Variants in SPEF2 observed in about 807,000 individuals in gnomAD.
SPEF2 encodes the protein sperm flagella and cilia-associated protein 2.
A neutral mutation model predicts 224.6 loss-of-function variants in SPEF2; 187 were observed. That is an observed-to-expected ratio of 0.83 (90% confidence interval 0.74 to 0.94). The LOEUF is 0.94. Ranked by LOEUF, SPEF2 falls within the 40% of genes least tolerant of loss-of-function variation. SPEF2 has a pLI of 0.00. For missense variants in SPEF2, 2,170 were observed against 2,135.6 expected, an observed-to-expected ratio of 1.02 and a Z score of -0.32; for synonymous variants, 715 against 707.3, an observed-to-expected ratio of 1.01 and a Z score of -0.17.
chr5:35,623,130 T>C (rs1385729403), intron 1 of SPEF2, among the ~76,000 whole-genome samples: 1 of 152,176 alleles, frequency 6.6e-6, no homozygotes, highest in African/African-American at 2.4e-5. Context: ...TAGAAATGAC[T>C]TGGACTTGTG....
At chr5:35,666,970 G>T (rs1750553678) in intron 8 of SPEF2, 102 bp from the exon 9 acceptor site, 3 of 1,057,580 alleles carry the variant, frequency 2.8e-6, no homozygotes. Context: ...GGTGTGAGAA[G>T]AGGTTTCATT....
At chr5:35,778,292 G>C (rs932482154) in intron 29 of SPEF2, among the ~76,000 whole-genome samples, 2 of 152,130 alleles carry the variant, frequency 1.3e-5, no homozygotes, top group African/African-American at 4.8e-5. Flanking sequence ...ATTTTTAAAA[G>C]GTCATTAACT....
intron 36 of SPEF2, among the ~76,000 whole-genome samples, chr5:35,814,244 A>G (rs1758703002): frequency 6.6e-6 from 1 of 152,216 alleles, no homozygotes; most frequent in Admixed American, 6.5e-5. Flanking sequence ...AGGTGTGGAA[A>G]CTGAGGGTCC....
At chr5:35,751,500 A>G (rs986799548) in intron 23 of SPEF2, among the ~76,000 whole-genome samples, 19 of 152,138 alleles carry the variant, frequency 1.2e-4, no homozygotes, top group Admixed American at 1.1e-3. Context: ...TTAAAAATAT[A>G]TAAATATTTG....
intron 21 of SPEF2, among the ~76,000 whole-genome samples, chr5:35,730,497 C>G (rs563826732): frequency 2.0e-5 from 3 of 152,244 alleles, no homozygotes; most frequent in Non-Finnish European, 4.4e-5. Flanking sequence ...AACCTGTCCT[C>G]CTTCAGGAGG....
intron 4 of SPEF2, 149 bp from the exon 5 acceptor site, chr5:35,646,518 A>G: frequency 1.6e-6 from 1 of 617,422 alleles, no homozygotes; most frequent in Non-Finnish European, 2.7e-6. Flanking sequence ...CCTTCTTAAT[A>G]TTACACAGTT....
chr5:35,644,011 G>T (rs1160716484), intron 3 of SPEF2, among the ~76,000 whole-genome samples: 1 of 151,850 alleles, frequency 6.6e-6, no homozygotes, highest in Non-Finnish European at 1.5e-5. Context: ...TCTCTTATAT[G>T]TTAAAGTTGG....
chr5:35,787,935 A>T, intron 30 of SPEF2: 1 of 625,376 alleles, frequency 1.6e-6, no homozygotes, highest in South Asian at 1.9e-5. Flanking sequence ...CTTGACCATT[A>T]TCTTCCAAAA....
intron 10 of SPEF2, among the ~76,000 whole-genome samples, chr5:35,672,074 T>C (rs1232700864): frequency 6.6e-6 from 1 of 151,602 alleles, no homozygotes; most frequent in African/African-American, 2.4e-5. Flanking sequence ...TTGTAAAATA[T>C]ATTATCTGGC....
intron 30 of SPEF2, chr5:35,789,799 A>G: frequency 1.4e-6 from 1 of 702,298 alleles, no homozygotes. Flanking sequence ...TCTTGATTAT[A>G]GAATTTGGAG....
At chr5:35,746,190 C>A (rs1483489181) in intron 23 of SPEF2, among the ~76,000 whole-genome samples, 2 of 152,202 alleles carry the variant, frequency 1.3e-5, no homozygotes, top group African/African-American at 4.8e-5. Context: ...CAGCCCTAGA[C>A]CTTCCCTTTG....
At chr5:35,643,544 G>A (rs1383013829) in intron 3 of SPEF2, 2 of 455,928 alleles carry the variant, frequency 4.4e-6, no homozygotes, top group Non-Finnish European at 4.4e-6. Context: ...AGAGTCAGTG[G>A]CAGGAGAGAT....
At chr5:35,630,861 C>T (rs1325950446) in intron 2 of SPEF2, among the ~76,000 whole-genome samples, 1 of 152,162 alleles carries the variant, frequency 6.6e-6, no homozygotes, top group African/African-American at 2.4e-5. Context: ...TTCCTCATCT[C>T]TGTGTGGCTA....
rs202179572 is a variant in SPEF2, at chr5:35,763,597, G to A, written c.3696G>A (p.Lys1232=). The change falls in exon 26 of 37, where the codon AAG becomes AAA. Residue 1232 remains lysine (K), a synonymous_variant. Transcript: ENST00000356031. The part of the protein sequence containing the change: ...TPKPKTKSVL[K]GKMDNSLENV... Reference sequence around the variant, plus strand: ...AACCAAAAACAAAATCAGTACTGAAGGGCAAGATGGATAACTCCCTAGAAA... The same window carrying A: ...AACCAAAAACAAAATCAGTACTGAAAGGCAAGATGGATAACTCCCTAGAAA... The A allele has an allele frequency of 3.7e-6, 6 of 1,613,968 alleles. No homozygotes were observed. In the South Asian group the frequency reaches 5.5e-5, roughly 15 times the overall value.
At chr5:35,625,420 A>T (rs1218067735) in intron 1 of SPEF2, among the ~76,000 whole-genome samples, 1 of 152,192 alleles carries the variant, frequency 6.6e-6, no homozygotes, top group African/African-American at 2.4e-5. Context: ...AAGGAAACGG[A>T]TTTAGTATTC....
At chr5:35,736,786 C>T (rs148170135) in intron 21 of SPEF2, among the ~76,000 whole-genome samples, 1 of 152,296 alleles carries the variant, frequency 6.6e-6, no homozygotes, top group East Asian at 1.9e-4. Flanking sequence ...TGGAGAAGAA[C>T]TCTTTGGTGA....
rs73080294 is a variant in SPEF2 at position 35,678,125 on chromosome 5, T to G, written c.1524+7898T>G. ...TAGATGCAGTCTACTGCCCTGGGTC[T>G]TCTTTTGCAATAGGCTAAAATTAAA... On this transcript the variant is annotated intron_variant, in intron 10 of 36. Coordinates refer to ENST00000356031, the MANE Select transcript of SPEF2 (RefSeq NM_024867.4). Among the ~76,000 whole-genome samples the G allele has an allele frequency of 7.1e-3, 1,078 of 152,370 alleles. 14 individuals carry two copies. The highest frequency in any genetic ancestry group is 0.025 in the African/African-American group (1,047 of 41,594).
At chr5:35,787,236 G>A (rs1229977908) in intron 30 of SPEF2, among the ~76,000 whole-genome samples, 2 of 150,454 alleles carry the variant, frequency 1.3e-5, no homozygotes, top group South Asian at 2.1e-4. Flanking sequence ...AAACCACCTG[G>A]CAAGGATTTC....
chr5:35,789,557 A>G (rs1481736563), intron 30 of SPEF2: 1 of 653,730 alleles, frequency 1.5e-6, no homozygotes, highest in East Asian at 2.7e-5. Context: ...ACTGCCTCAG[A>G]GGGAAAGAAA....
Sources: gnomAD v4.1 joint callset for allele counts (sites outside exome capture counted in the v4.1 genomes callset) on GRCh38, gnomAD v4.1.1 for gene constraint, MANE v1.5 for transcripts, NCBI Gene and HGNC (gene_info 2026-07-23, HGNC 2026-07-21) for gene names.